Variants in SYNPO2 observed in about 807,000 individuals in gnomAD.
SYNPO2 encodes synaptopodin-2.
Under a neutral mutation model 85.0 loss-of-function variants are expected in SYNPO2, and 56 were observed. That is an observed-to-expected ratio of 0.66 (90% CI 0.53 to 0.82). The LOEUF (loss-of-function observed/expected upper bound fraction) is 0.82, where lower values mean the gene tolerates loss of function less well. Ranked by LOEUF, SYNPO2 falls within the 40% of genes least tolerant of loss-of-function variation. The pLI, the probability that SYNPO2 is intolerant of heterozygous loss-of-function variation, is 0.00. For synonymous variants in SYNPO2, 602 were observed against 591.1 expected (o/e 1.02, Z -0.27); for missense variants, 1,575 against 1,534.2 (o/e 1.03, Z -0.44).
At chr4:118,984,038 A>G (rs2149164391) in intron 1 of SYNPO2, among the ~76,000 whole-genome samples, 1 of 152,308 alleles carries the variant, frequency 6.6e-6, no homozygotes, top group African/African-American at 2.4e-5. Flanking sequence ...TCCCCCTTCT[A>G]CATGCGTTGA....
chr4:119,033,054 G>A, intron 4 of SYNPO2: 1 of 984,502 alleles, frequency 1.0e-6, no homozygotes, highest in Non-Finnish European at 1.2e-6. Flanking sequence ...GAAGTAACAT[G>A]TAAAAGGCAG....
intron 1 of SYNPO2, among the ~76,000 whole-genome samples, chr4:118,914,238 C>A (rs1435001021): frequency 1.3e-5 from 2 of 152,014 alleles, no homozygotes; most frequent in East Asian, 3.8e-4. Flanking sequence ...TTTAAGTTAT[C>A]TATAGAGCAT....
chr4:119,057,375 T>C, intron 4 of SYNPO2, 26 bp from the exon 5 acceptor site: 5 of 1,539,108 alleles, frequency 3.2e-6, no homozygotes, highest in Admixed American at 2.1e-5. Context: ...ATGAATGAGA[T>C]ATATTAATAT....
At chr4:119,000,729 G>A (rs1426069391) in intron 1 of SYNPO2, among the ~76,000 whole-genome samples, 1 of 152,190 alleles carries the variant, frequency 6.6e-6, no homozygotes, top group Admixed American at 6.5e-5. Context: ...AAGGGAGGTG[G>A]ACAGGAGAGA....
upstream of SYNPO2, among the ~76,000 whole-genome samples, chr4:118,887,411 GA>G (rs938894713): frequency 1.3e-5 from 2 of 152,192 alleles, no homozygotes; most frequent in African/African-American, 2.4e-5. Context: ...GATGCTGTAT[GA>G]AATTTCTCAG....
chr4:119,042,177 T>C (rs1379472628), intron 4 of SYNPO2: 1 of 152,168 alleles, frequency 6.6e-6, no homozygotes, highest in Non-Finnish European at 1.5e-5. Flanking sequence ...CTCTCAGTGC[T>C]TCACAGGCAG....
In SYNPO2 at chr4:119,057,826, A is replaced by G; in HGVS notation, c.3678A>G (p.Ser1226=). The G allele has an allele frequency of 6.2e-7, 1 of 1,614,100 alleles. No individual in the cohort carries two copies. The highest frequency in any genetic ancestry group is 8.5e-7 in the Non-Finnish European group (1 of 1,180,016). The change falls in exon 5 of 5, where the codon TCA becomes TCG. Residue 1226 remains serine (S), a synonymous_variant. Coordinates refer to ENST00000307142, the MANE Select transcript of SYNPO2 (RefSeq NM_133477.3). ...CATATGCATATTATAGGCAGGCTTC[A>G]AGAAATGATTCTGCAATCATGTCCA... ...QLPYAYYRQA[S]RNDSAIMSME...
At chr4:118,944,552 C>T (rs1029035487) in intron 1 of SYNPO2, among the ~76,000 whole-genome samples, 8 of 152,088 alleles carry the variant, frequency 5.3e-5, no homozygotes, top group Admixed American at 2.0e-4. Flanking sequence ...TGACTGTTAA[C>T]GCTGATTCAA....
chr4:119,050,867 G>A (rs1238948854), intron 4 of SYNPO2, among the ~76,000 whole-genome samples: 1 of 152,148 alleles, frequency 6.6e-6, no homozygotes. Context: ...ACATGGTCCC[G>A]CAGTCATTTT....
chr4:119,042,885 C>A (rs1013243430), intron 4 of SYNPO2: 2 of 152,124 alleles, frequency 1.3e-5, no homozygotes, highest in African/African-American at 4.8e-5. Context: ...GTTGGAAGTT[C>A]TGTGATGTGA....
chr4:118,875,803 C>T (rs909532149), intron 1 of SYNPO2, among the ~76,000 whole-genome samples: 2 of 152,166 alleles, frequency 1.3e-5, no homozygotes, highest in Non-Finnish European at 2.9e-5. Flanking sequence ...AACCTCTGCC[C>T]GTTAATGTTT....
At chr4:119,037,273 AT>A in intron 4 of SYNPO2, 4 of 1,434,510 alleles carry the variant, frequency 2.8e-6, no homozygotes, top group Non-Finnish European at 3.7e-6. Flanking sequence ...GGGCTCCTTA[AT>A]AACTACTGAT....
intron 4 of SYNPO2, chr4:119,042,171 CA>C (rs1167621647): frequency 6.6e-6 from 1 of 152,156 alleles, no homozygotes; most frequent in Non-Finnish European, 1.5e-5. Context: ...CCTTCCCTCT[CA>C]GTGCTTCACA....
intron 1 of SYNPO2, among the ~76,000 whole-genome samples, chr4:118,979,172 G>C (rs183608395): frequency 2.6e-5 from 4 of 152,184 alleles, no homozygotes; most frequent in South Asian, 4.2e-4. Flanking sequence ...ATATGGCTCT[G>C]ACCTTCCTGT....
At chr4:118,987,204 TA>T (rs559648107) in intron 1 of SYNPO2, among the ~76,000 whole-genome samples, 119 of 152,348 alleles carry the variant, frequency 7.8e-4, no homozygotes, top group African/African-American at 2.7e-3. Context: ...AGAACTAGTC[TA>T]ATAACTTTCT....
At chr4:118,932,031 A>G (rs904159429) in intron 1 of SYNPO2, among the ~76,000 whole-genome samples, 6 of 152,240 alleles carry the variant, frequency 3.9e-5, no homozygotes, top group Non-Finnish European at 8.8e-5. Flanking sequence ...ATAATGAAGT[A>G]TAGGCAGTGT....
At chr4:118,885,017 C>T (rs74925248), upstream of SYNPO2, among the ~76,000 whole-genome samples, 2,247 of 152,146 alleles carry the variant, frequency 0.015, 32 homozygotes, top group Non-Finnish European at 0.022. Context: ...AATCTGAGGC[C>T]GGAGGATGAG....
At chr4:118,874,990 A>G (rs1485793324) in intron 1 of SYNPO2, among the ~76,000 whole-genome samples, 2 of 152,132 alleles carry the variant, frequency 1.3e-5, no homozygotes, top group African/African-American at 4.8e-5. Flanking sequence ...CCCAGCATCC[A>G]TTAGCTCTTC....
chr4:119,000,284 C>A (rs973067495), intron 1 of SYNPO2, among the ~76,000 whole-genome samples: 1 of 152,168 alleles, frequency 6.6e-6, no homozygotes, highest in Non-Finnish European at 1.5e-5. Flanking sequence ...AGGAAAAAGA[C>A]CACTTGTAAC....
Sources: gnomAD v4.1 joint callset for allele counts (sites outside exome capture counted in the v4.1 genomes callset) on GRCh38, gnomAD v4.1.1 for gene constraint, MANE v1.5 for transcripts, NCBI Gene and HGNC (gene_info 2026-07-23, HGNC 2026-07-21) for gene names.